SNX29: variants seen among roughly 807,000 people sequenced by gnomAD.
The protein encoded by SNX29 is sorting nexin 29.
Under a neutral mutation model 102.1 loss-of-function variants are expected in SNX29, and 78 were observed. The observed-to-expected ratio is 0.76, with a 90% confidence interval of 0.64 to 0.92. The LOEUF is 0.92. SNX29 is among the 40% of genes least tolerant of loss of function. The pLI, the probability that SNX29 is intolerant of heterozygous loss-of-function variation, is 0.00. For synonymous variants in SNX29, 580 were observed against 414.5 expected, an observed-to-expected ratio of 1.40 and a Z score of -4.85; for missense variants, 1,280 against 1,061.7, an observed-to-expected ratio of 1.21 and a Z score of -2.86.
chr16:12,430,138 A>G (rs899636016), intron 18 of SNX29, among the ~76,000 whole-genome samples: 1 of 152,214 alleles, frequency 6.6e-6, no homozygotes, highest in Non-Finnish European at 1.5e-5. Flanking sequence ...CATGCTCCTT[A>G]TGAGAATCTA....
At chr16:12,502,700 T>G (rs1292942069) in intron 19 of SNX29, among the ~76,000 whole-genome samples, 1 of 152,236 alleles carries the variant, frequency 6.6e-6, no homozygotes, top group Admixed American at 6.5e-5. Context: ...TTGTTCTCAG[T>G]ACCCTCTACG....
intron 19 of SNX29, among the ~76,000 whole-genome samples, chr16:12,513,931 A>G (rs994612669): frequency 5.3e-5 from 8 of 152,286 alleles, no homozygotes; most frequent in African/African-American, 1.9e-4. Flanking sequence ...CAGCTTCCCA[A>G]TTAGCAACCG....
At chr16:12,214,132 C>T (rs2077260876) in intron 14 of SNX29, among the ~76,000 whole-genome samples, 1 of 107,104 alleles carries the variant, frequency 9.3e-6, no homozygotes, top group Admixed American at 1.0e-4. Context: ...CTGATTTCCT[C>T]CCTGGCAGGG....
chr16:12,356,084 A>AG, intron 15 of SNX29, 79 bp from the exon 16 acceptor site: 2 of 1,336,528 alleles, frequency 1.5e-6, no homozygotes, highest in Non-Finnish European at 2.1e-6. Flanking sequence ...GGTGTCAGGA[A>AG]GGAGAGTCCA....
rs368180279 is a variant in SNX29 at position 12,540,075 on chromosome 16, T to C, written c.2318+15234T>C. Among the ~76,000 whole-genome samples, 44 of 152,376 alleles carry C rather than the reference T, an allele frequency of 2.9e-4. No individual in the cohort carries two copies. The East Asian group carries it at 4.6e-3, about 16-fold the overall frequency. On this transcript the variant is annotated intron_variant, in intron 20 of 20. Transcript: ENST00000566228. ...GTCCCAGATCATGCTTTTGGTGTCA[T>C]GTCTACCAATTGTTAGCCTAAACCC...
At chr16:12,202,874 AGG>A (rs1271994074) in intron 14 of SNX29, among the ~76,000 whole-genome samples, 3 of 152,256 alleles carry the variant, frequency 2.0e-5, no homozygotes, top group Non-Finnish European at 2.9e-5. Flanking sequence ...CTTCAACCTT[AGG>A]GTTGTGTGGA....
At position 12,551,603 on chromosome 16, in the gene SNX29, C is replaced by G. The variant is rs531335130; in HGVS notation, c.2319-16903C>G. ...AAGGCTGGAACAAATTCTGGTGTTA[C>G]AATTAGATCTGAGTCTGAGGCATCA... is the stretch of plus-strand genomic sequence containing the variant. On this transcript the variant is annotated intron_variant, in intron 20 of 20. Coordinates refer to ENST00000566228, the MANE Select transcript of SNX29 (RefSeq NM_032167.5). Among the ~76,000 whole-genome samples, 3 of 152,298 alleles carry G rather than the reference C, an allele frequency of 2.0e-5. No individual in the cohort carries two copies. In the East Asian group the frequency reaches 5.8e-4, roughly 29 times the overall value.
chr16:12,060,075 C>A (rs1596731287), intron 8 of SNX29, among the ~76,000 whole-genome samples: 1 of 152,112 alleles, frequency 6.6e-6, no homozygotes, highest in Non-Finnish European at 1.5e-5. Flanking sequence ...TGGCTCTCTG[C>A]ATCCATGGAC....
chr16:12,278,904 A>C (rs2079341717), intron 15 of SNX29, among the ~76,000 whole-genome samples: 1 of 152,236 alleles, frequency 6.6e-6, no homozygotes, highest in African/African-American at 2.4e-5. Flanking sequence ...GGACAACCAG[A>C]TAATTATCTT....
intron 19 of SNX29, among the ~76,000 whole-genome samples, chr16:12,505,659 T>C (rs2089338139): frequency 6.7e-6 from 1 of 148,486 alleles, no homozygotes; most frequent in African/African-American, 2.5e-5. Flanking sequence ...GCTGTTGGAA[T>C]TGAAAAGTAT....
chr16:12,515,535 T>TA (rs1449220235), intron 19 of SNX29: 3 of 491,200 alleles, frequency 6.1e-6, no homozygotes, highest in South Asian at 4.6e-5. Flanking sequence ...CCTGGATGAC[T>TA]GCAGCAGCAT....
chr16:12,180,004 A>G (rs577774962), intron 13 of SNX29, among the ~76,000 whole-genome samples: 3 of 152,220 alleles, frequency 2.0e-5, no homozygotes, highest in East Asian at 3.9e-4. Context: ...GTCTCTTTCA[A>G]TGTGGAACTT....
At chr16:12,178,725 A>G (rs1179627665) in intron 13 of SNX29, among the ~76,000 whole-genome samples, 1 of 152,190 alleles carries the variant, frequency 6.6e-6, no homozygotes, top group Non-Finnish European at 1.5e-5. Context: ...TTCAGCATCC[A>G]AAGTATCAGA....
intron 15 of SNX29, among the ~76,000 whole-genome samples, chr16:12,326,602 C>T (rs778590379): frequency 7.2e-5 from 11 of 152,144 alleles, no homozygotes; most frequent in Admixed American, 5.2e-4. Context: ...TGTGCAAAAA[C>T]GGGCACTGGG....
At chr16:12,553,462 A>G (rs1198813218) in intron 20 of SNX29, among the ~76,000 whole-genome samples, 2 of 152,134 alleles carry the variant, frequency 1.3e-5, no homozygotes, top group African/African-American at 4.8e-5. Context: ...AGACCAGCTC[A>G]GACCAGCCCC....
intron 14 of SNX29, among the ~76,000 whole-genome samples, chr16:12,246,487 T>C (rs1314739338): frequency 6.6e-6 from 1 of 151,906 alleles, no homozygotes; most frequent in Non-Finnish European, 1.5e-5. Context: ...TTAAAAATAC[T>C]AAAATTAGCT....
intron 10 of SNX29, among the ~76,000 whole-genome samples, chr16:12,070,037 A>C (rs2051224576): frequency 6.6e-6 from 1 of 152,216 alleles, no homozygotes; most frequent in Admixed American, 6.5e-5. Flanking sequence ...CTAGTGTTGT[A>C]TATTTAAGCC....
chr16:12,529,387 G>A (rs1201369406), intron 20 of SNX29, among the ~76,000 whole-genome samples: 2 of 152,156 alleles, frequency 1.3e-5, no homozygotes, highest in South Asian at 2.1e-4. Context: ...AGAGATCCCC[G>A]GGGAGATGTG....
intron 14 of SNX29, among the ~76,000 whole-genome samples, chr16:12,251,978 G>GTCGAACTCCTGGCCTCA (rs1368930524): frequency 2.0e-5 from 3 of 152,072 alleles, no homozygotes; most frequent in African/African-American, 7.2e-5. Context: ...TCAGGCTGGT[G>GTCGAACTCCTGGCCTCA]TCGAACTCCT....
Sources: gnomAD v4.1 joint callset for allele counts (sites outside exome capture counted in the v4.1 genomes callset) on GRCh38, gnomAD v4.1.1 for gene constraint, MANE v1.5 for transcripts, NCBI Gene and HGNC (gene_info 2026-07-23, HGNC 2026-07-21) for gene names.